The following RABGAP1L variants were observed in gnomAD, a reference collection of about 807,000 sequenced individuals.
The protein encoded by RABGAP1L is rab GTPase-activating protein 1-like.
In RABGAP1L, 63 loss-of-function variants were observed where a neutral mutation model predicts 137.7. The observed-to-expected ratio is 0.46, with a 90% CI of 0.37 to 0.56. RABGAP1L has a LOEUF of 0.56. Ranked by LOEUF, RABGAP1L falls within the 20% of genes least tolerant of loss-of-function variation. The pLI, the probability that RABGAP1L is intolerant of heterozygous loss-of-function variation, is 0.00. For missense variants in RABGAP1L, 1,095 were observed against 1,244.0 expected, an observed-to-expected ratio of 0.88 and a Z score of 1.80; for synonymous variants, 431 against 433.7, an observed-to-expected ratio of 0.99 and a Z score of 0.08.
intron 13 of RABGAP1L, among the ~76,000 whole-genome samples, chr1:174,611,280 C>T (rs1180420352): frequency 1.3e-5 from 2 of 150,628 alleles, no homozygotes; most frequent in Non-Finnish European, 3.0e-5. Flanking sequence ...ACATGGCTAG[C>T]CAGTTTTCCC....
intron 11 of RABGAP1L, among the ~76,000 whole-genome samples, chr1:174,312,461 C>T (rs1230257439): frequency 6.6e-6 from 1 of 152,040 alleles, no homozygotes; most frequent in Non-Finnish European, 1.5e-5. Flanking sequence ...TTTTTTCCTA[C>T]AGAGATGTTT....
chr1:174,662,267 C>T (rs1340124282), intron 14 of RABGAP1L, among the ~76,000 whole-genome samples: 2 of 151,992 alleles, frequency 1.3e-5, no homozygotes, highest in South Asian at 4.2e-4. Context: ...CCACGCCCAA[C>T]TAATTTTTGT....
At chr1:174,642,588 T>C (rs1289616901) in intron 14 of RABGAP1L, among the ~76,000 whole-genome samples, 2 of 152,196 alleles carry the variant, frequency 1.3e-5, no homozygotes, top group African/African-American at 4.8e-5. Flanking sequence ...TTGATGTGTC[T>C]GAATGAGCCC....
intron 13 of RABGAP1L, among the ~76,000 whole-genome samples, chr1:174,517,606 A>T (rs967772400): frequency 6.6e-6 from 1 of 152,182 alleles, no homozygotes; most frequent in Non-Finnish European, 1.5e-5. Flanking sequence ...CTTCCTTATT[A>T]TGAGGTAAAA....
At chr1:174,736,529 T>C (rs1682958066) in intron 17 of RABGAP1L, among the ~76,000 whole-genome samples, 1 of 152,238 alleles carries the variant, frequency 6.6e-6, no homozygotes, top group South Asian at 2.1e-4. Flanking sequence ...TACTGTGGTC[T>C]GAAGGGAAAC....
intron 19 of RABGAP1L, among the ~76,000 whole-genome samples, chr1:174,881,723 C>A (rs951573436): frequency 6.6e-6 from 1 of 151,772 alleles, no homozygotes. Flanking sequence ...TGGTCTTGAA[C>A]TTCTGACCTC....
intron 7 of RABGAP1L, among the ~76,000 whole-genome samples, chr1:174,271,220 C>T (rs554401289): frequency 2.4e-4 from 37 of 151,944 alleles, no homozygotes; most frequent in Non-Finnish European, 4.1e-4. Flanking sequence ...TTTTGGGTGC[C>T]AGAAGGAAGC....
chr1:174,355,094 C>T (rs1683506795), intron 11 of RABGAP1L, among the ~76,000 whole-genome samples: 2 of 152,002 alleles, frequency 1.3e-5, no homozygotes, highest in African/African-American at 4.8e-5. Context: ...ACCATTTGAC[C>T]CAGCCATCCC....
intron 13 of RABGAP1L, among the ~76,000 whole-genome samples, chr1:174,540,460 TA>T: frequency 6.6e-6 from 1 of 152,246 alleles, no homozygotes; most frequent in Non-Finnish European, 1.5e-5. Context: ...CATGTTGAAT[TA>T]ATTTTTGTAT....
At chr1:174,821,871 A>C (rs1358058485) in intron 19 of RABGAP1L, among the ~76,000 whole-genome samples, 4 of 152,240 alleles carry the variant, frequency 2.6e-5, no homozygotes, top group Non-Finnish European at 4.4e-5. Flanking sequence ...AAAGACCTCT[A>C]TATGTTGACA....
intron 18 of RABGAP1L, chr1:174,756,872 T>C: frequency 1.6e-6 from 1 of 621,736 alleles, no homozygotes; most frequent in South Asian, 1.4e-5. Flanking sequence ...GTCACACCAC[T>C]CTCGAAGGCA....
At chr1:174,831,293 C>G (rs1315719526) in intron 19 of RABGAP1L, among the ~76,000 whole-genome samples, 1 of 148,098 alleles carries the variant, frequency 6.8e-6, no homozygotes, top group African/African-American at 2.5e-5. Context: ...CCCAAAGTAC[C>G]TACATTCTTA....
intron 7 of RABGAP1L, among the ~76,000 whole-genome samples, chr1:174,258,077 C>A (rs773270124): frequency 6.6e-6 from 1 of 152,176 alleles, no homozygotes. Context: ...AATGACTCTT[C>A]CCTAAACAAT....
At chr1:174,967,456 G>C (rs573565062) in intron 20 of RABGAP1L, among the ~76,000 whole-genome samples, 1 of 151,236 alleles carries the variant, frequency 6.6e-6, no homozygotes, top group East Asian at 2.0e-4. Context: ...TCCTGCCTCA[G>C]CCTCCCGAGT....
intron 12 of RABGAP1L, among the ~76,000 whole-genome samples, chr1:174,377,722 G>A (rs1239915673): frequency 6.7e-6 from 1 of 150,130 alleles, no homozygotes; most frequent in African/African-American, 2.5e-5. Flanking sequence ...TGGCAAGAAT[G>A]TGGAGACATT....
At chr1:174,393,030 T>C (rs1248336807) in intron 12 of RABGAP1L, among the ~76,000 whole-genome samples, 1 of 152,222 alleles carries the variant, frequency 6.6e-6, no homozygotes, top group Non-Finnish European at 1.5e-5. Flanking sequence ...AATATTGAGA[T>C]ATGCAATTCA....
intron 13 of RABGAP1L, among the ~76,000 whole-genome samples, chr1:174,558,810 A>G (rs1667038668): frequency 1.3e-5 from 2 of 152,212 alleles, no homozygotes; most frequent in South Asian, 4.1e-4. Context: ...ACAAATCTAT[A>G]GACTTATGGT....
At chr1:174,231,611 G>A (rs1192629928) in intron 4 of RABGAP1L, among the ~76,000 whole-genome samples, 1 of 152,196 alleles carries the variant, frequency 6.6e-6, no homozygotes, top group Non-Finnish European at 1.5e-5. Context: ...CTGGCTCTTG[G>A]TTCTGCAGGG....
chr1:174,806,978 G>A (rs567295130), intron 18 of RABGAP1L, among the ~76,000 whole-genome samples: 3 of 152,188 alleles, frequency 2.0e-5, no homozygotes, highest in African/African-American at 7.2e-5. Context: ...TAGATACAGG[G>A]TTTCACCATG....
Sources: allele counts gnomAD v4.1 joint callset (sites outside exome capture counted in the v4.1 genomes callset), GRCh38; gene constraint gnomAD v4.1.1; transcripts MANE v1.5; gene names NCBI Gene and HGNC (gene_info 2026-07-23, HGNC 2026-07-21).